The following XRN1 variants were observed in gnomAD, a reference collection of about 807,000 sequenced individuals.
XRN1 encodes 5'-3' exoribonuclease 1, also known as strand-exchange protein 1 homolog.
A neutral mutation model predicts 222.3 loss-of-function variants in XRN1; 67 were observed. That is an observed-to-expected ratio of 0.30 (90% CI 0.25 to 0.37). XRN1 has a LOEUF of 0.37. Among genes scored for constraint, XRN1 ranks in the 10% least tolerant of loss-of-function variants. XRN1 has a pLI of 1.00. For missense variants in XRN1, 1,707 were observed against 2,000.2 expected (o/e 0.85, Z 2.80); for synonymous variants, 643 against 652.4 (o/e 0.99, Z 0.22).
At chr3:142,410,710 A>T (rs1244415949) in intron 15 of XRN1, among the ~76,000 whole-genome samples, 1 of 151,858 alleles carries the variant, frequency 6.6e-6, no homozygotes, top group Non-Finnish European at 1.5e-5. Flanking sequence ...TAGCCAGGAC[A>T]GTCTTGATCT....
intron 37 of XRN1, among the ~76,000 whole-genome samples, chr3:142,327,531 A>T (rs898352302): frequency 7.0e-5 from 10 of 142,318 alleles, no homozygotes; most frequent in South Asian, 6.6e-4. Flanking sequence ...CTTATCTTTT[A>T]AAAAAAAAAA....
At chr3:142,424,713 C>T (rs566039911) in intron 5 of XRN1, among the ~76,000 whole-genome samples, 4 of 151,922 alleles carry the variant, frequency 2.6e-5, no homozygotes, top group African/African-American at 7.2e-5. Context: ...CTTTAATAAT[C>T]GGGCGGGGAG....
intron 9 of XRN1, 52 bp from the exon 10 acceptor site, chr3:142,421,205 G>T (rs767902463): frequency 4.9e-5 from 71 of 1,444,110 alleles, no homozygotes; most frequent in Non-Finnish European, 6.1e-5. Flanking sequence ...ATATCTAGAA[G>T]AATACAAATC....
At chr3:142,344,550 T>C (rs1421521969) in intron 33 of XRN1, among the ~76,000 whole-genome samples, 4 of 152,046 alleles carry the variant, frequency 2.6e-5, no homozygotes, top group Non-Finnish European at 5.9e-5. Context: ...CACAAAAAAT[T>C]AGGGCTAATA....
intron 37 of XRN1, 136 bp from the exon 38 acceptor site, chr3:142,319,039 A>T (rs2065280672): frequency 1.3e-6 from 1 of 745,234 alleles, no homozygotes; most frequent in Non-Finnish European, 2.1e-6. Flanking sequence ...TTCAATTGCC[A>T]GGCAAAAATT....
intron 1 of XRN1, among the ~76,000 whole-genome samples, chr3:142,433,471 A>G (rs1474282266): frequency 6.6e-6 from 1 of 152,224 alleles, no homozygotes; most frequent in African/African-American, 2.4e-5. Context: ...ATGTGGGTTA[A>G]TAATTTGTAA....
At position 142,322,141 on chromosome 3, in the gene XRN1, A is replaced by C. The variant is rs936472237; in HGVS notation, c.4405-3238T>G. 1.2e-4 allele frequency among the ~76,000 whole-genome samples: 18 copies of C among 152,314 alleles called. No homozygotes were observed. The East Asian group carries it at 1.7e-3, about 15-fold the overall frequency. On this transcript the variant is annotated intron_variant, in intron 37 of 40. Transcript: ENST00000392981. ...AACTTTCTTGCGGTCAGTAGGTCTC[A>C]AAGTGCAGTCTGGGGATAGCTGAGG...
chr3:142,346,469 C>T (rs1051456177), intron 33 of XRN1, among the ~76,000 whole-genome samples: 7 of 151,426 alleles, frequency 4.6e-5, no homozygotes, highest in Non-Finnish European at 8.8e-5. Context: ...ATGTTGAGAG[C>T]AGACACAATC....
At chr3:142,390,005 T>C (rs1241014323) in intron 20 of XRN1, among the ~76,000 whole-genome samples, 1 of 152,204 alleles carries the variant, frequency 6.6e-6, no homozygotes, top group Non-Finnish European at 1.5e-5. Flanking sequence ...TGAACAGTAA[T>C]ATTTGGAAAG....
Position 142,311,036 on chromosome 3 carries a change from CATTAAA to C in XRN1, c.*469_*474del, listed in dbSNP as rs1326354623. The C allele has an allele frequency of 6.5e-6, 1 of 152,756 alleles. No individual in the cohort carries two copies. The highest frequency in any genetic ancestry group is 2.4e-5 in the African/African-American group (1 of 41,442). 9.5% of individuals were successfully genotyped at this position (152,756 alleles called of 1,614,324 possible). A position where few individuals can be genotyped will look rare whatever the true frequency, so the allele number is the denominator to read the frequency against. ...CATTCTCCTGACAATTTTCTTACAT[CATTAAA>C]AAGAGAAATAAAATCCACATTCAGT... On this transcript the variant is annotated 3_prime_UTR_variant, in exon 41 of 41. Coordinates refer to ENST00000392981, the MANE Select transcript of XRN1 (RefSeq NM_001282857.2).
intron 3 of XRN1, 64 bp from the exon 4 acceptor site, chr3:142,425,602 C>T: frequency 7.5e-7 from 1 of 1,328,428 alleles, no homozygotes; most frequent in Non-Finnish European, 1.1e-6. Flanking sequence ...TTCTCAGTGA[C>T]AACACATAAC....
chr3:142,328,911 C>G (rs1008894551), intron 37 of XRN1, among the ~76,000 whole-genome samples: 1 of 150,130 alleles, frequency 6.7e-6, no homozygotes, highest in Admixed American at 6.7e-5. Context: ...TCACAACACA[C>G]ATGGCTAATT....
intron 5 of XRN1, 131 bp from the exon 6 acceptor site, chr3:142,423,773 C>A: frequency 1.6e-6 from 1 of 638,450 alleles, no homozygotes; most frequent in Non-Finnish European, 2.5e-6. Context: ...ATACAAATAA[C>A]AAAATATGAT....
At position 142,307,363 on chromosome 3, in the gene XRN1, G is replaced by A. The variant is rs1443846347; in HGVS notation, c.*4148C>T. The A allele has an allele frequency of 1.3e-5, 2 of 151,294 alleles. No homozygotes were observed. Among genetic ancestry groups the A allele is most frequent in the African/African-American group, 4.9e-5 (2 of 41,166 alleles). 9.4% of individuals were successfully genotyped at this position (151,294 alleles called of 1,614,324 possible). On this transcript the variant is annotated 3_prime_UTR_variant, in exon 41 of 41. Coordinates refer to ENST00000392981, the MANE Select transcript of XRN1 (RefSeq NM_001282857.2). ...AACCAAGTGCAGTTGGTGTACGGCT[G>A]GAGGGAAAAAAAAAAAGACTTTTTA...
chr3:142,343,584 A>T (rs1178057657), intron 33 of XRN1, among the ~76,000 whole-genome samples: 1 of 152,210 alleles, frequency 6.6e-6, no homozygotes, highest in Non-Finnish European at 1.5e-5. Context: ...AGGGAGTAAC[A>T]AACGCTGGTG....
chr3:142,383,662 T>C (rs1337724349), intron 21 of XRN1, among the ~76,000 whole-genome samples: 5 of 152,176 alleles, frequency 3.3e-5, no homozygotes, highest in Non-Finnish European at 7.4e-5. Context: ...AGCCTCACTT[T>C]ACAGATGACA....
chr3:142,428,577 A>G (rs2069368153), intron 2 of XRN1, among the ~76,000 whole-genome samples: 1 of 152,160 alleles, frequency 6.6e-6, no homozygotes, highest in South Asian at 2.1e-4. Context: ...CAGTAGCATT[A>G]AAGATGAAAA....
chr3:142,435,077 G>T (rs1390436377), intron 1 of XRN1: 1 of 152,126 alleles, frequency 6.6e-6, no homozygotes, highest in Admixed American at 6.5e-5. Context: ...ATGACAAAAC[G>T]TAGGGAAATG....
chr3:142,447,486 G>T lies in XRN1; in HGVS notation c.75+384C>A, dbSNP rs1242126208. 6.6e-6 allele frequency among the ~76,000 whole-genome samples: 1 copy of T among 152,168 alleles called. No homozygotes were observed. Among genetic ancestry groups the T allele is most frequent in the Non-Finnish European group, 1.5e-5 (1 of 68,024 alleles). On this transcript the variant is annotated intron_variant, in intron 1 of 40. Coordinates refer to ENST00000392981, the MANE Select transcript of XRN1 (RefSeq NM_001282857.2). The surrounding 1 kb of genome is among the most constrained non-coding windows in gnomAD (Gnocchi z 4.2). ...GTGGGTCTGCCGCTCTGGGTGGGAT[G>T]GGGGAACCTACGAGGACACCCACTC...
Sources: allele counts gnomAD v4.1 joint callset (sites outside exome capture counted in the v4.1 genomes callset), GRCh38; gene constraint gnomAD v4.1.1; non-coding constraint Gnocchi (gnomAD v3.1); transcripts MANE v1.5; gene names NCBI Gene and HGNC (gene_info 2026-07-23, HGNC 2026-07-21).